Variants in GOLM2 observed in about 807,000 individuals in gnomAD.
GOLM2 encodes the protein golgi membrane protein 2.
GOLM2 carries 26 observed loss-of-function variants against 55.9 expected under a neutral mutation model. The ratio of observed to expected loss-of-function variants is 0.47; its 90% CI spans 0.34 to 0.65. The LOEUF (loss-of-function observed/expected upper bound fraction) is 0.65, where lower values mean the gene tolerates loss of function less well. Among genes scored for constraint, GOLM2 ranks in the 30% least tolerant of loss-of-function variants. The pLI is 0.01. For missense variants in GOLM2, 486 were observed against 531.8 expected, an observed-to-expected ratio of 0.91 and a Z score of 0.85; for synonymous variants, 165 against 194.6, an observed-to-expected ratio of 0.85 and a Z score of 1.27.
chr15:44,367,008 TATTAAAATTATA>T (rs1225145344), intron 6 of GOLM2, among the ~76,000 whole-genome samples: 6 of 152,184 alleles, frequency 3.9e-5, no homozygotes, highest in Admixed American at 3.9e-4. Flanking sequence ...CCAGTCTTGA[TATTAAAATTATA>T]ATTAAAAATT....
chr15:44,402,081 C>T (rs778317457), intron 8 of GOLM2, among the ~76,000 whole-genome samples: 1 of 151,920 alleles, frequency 6.6e-6, no homozygotes, highest in Non-Finnish European at 1.5e-5. Context: ...CTGCCCACCT[C>T]GGCCTCCCAA....
intron 1 of GOLM2, among the ~76,000 whole-genome samples, chr15:44,302,640 A>C (rs1187528313): frequency 6.6e-6 from 1 of 151,570 alleles, no homozygotes; most frequent in Non-Finnish European, 1.5e-5. Flanking sequence ...ACAGGTGCAC[A>C]GTACCACACC....
At chr15:44,353,105 G>C (rs763164609) in intron 6 of GOLM2, among the ~76,000 whole-genome samples, 2 of 152,052 alleles carry the variant, frequency 1.3e-5, no homozygotes, top group Non-Finnish European at 2.9e-5. Flanking sequence ...AAAAGAAGAC[G>C]TACAAATGGC....
At chr15:44,345,599 T>A (rs2079118957) in intron 6 of GOLM2, among the ~76,000 whole-genome samples, 1 of 152,116 alleles carries the variant, frequency 6.6e-6, no homozygotes, top group South Asian at 2.1e-4. Context: ...CAGTATGCAA[T>A]GCAAATATCT....
intron 1 of GOLM2, among the ~76,000 whole-genome samples, chr15:44,306,630 T>C (rs1281874298): frequency 6.6e-6 from 1 of 152,256 alleles, no homozygotes; most frequent in African/African-American, 2.4e-5. Context: ...GTCTATGTTC[T>C]TGACGTGCCC....
intron 6 of GOLM2, among the ~76,000 whole-genome samples, chr15:44,346,850 C>T (rs1236869917): frequency 1.3e-5 from 2 of 152,080 alleles, no homozygotes; most frequent in African/African-American, 2.4e-5. Flanking sequence ...TAAAGAGAGG[C>T]TAGGTGTAGT....
intron 9 of GOLM2, among the ~76,000 whole-genome samples, chr15:44,407,292 G>T (rs888514688): frequency 2.7e-5 from 4 of 147,320 alleles, no homozygotes; most frequent in African/African-American, 9.9e-5. Context: ...TGGAGACAGG[G>T]TGTCCCTCTG....
chr15:44,322,331 C>T (rs1194396261), intron 1 of GOLM2, among the ~76,000 whole-genome samples: 1 of 152,180 alleles, frequency 6.6e-6, no homozygotes, highest in Non-Finnish European at 1.5e-5. Context: ...CGCACCACTG[C>T]ACCGCAGCCT....
intron 6 of GOLM2, among the ~76,000 whole-genome samples, chr15:44,369,095 A>ATACATATTATATATATATATATATATATG (rs2079309682): frequency 3.3e-5 from 3 of 91,472 alleles, no homozygotes; most frequent in Admixed American, 2.2e-4. Flanking sequence ...ATATATATAT[A>ATACATATTATATATATATATATATATATG]TATATATATA....
intron 1 of GOLM2, among the ~76,000 whole-genome samples, chr15:44,319,896 T>C (rs564084640): frequency 2.0e-5 from 3 of 152,214 alleles, no homozygotes; most frequent in Non-Finnish European, 4.4e-5. Flanking sequence ...GCCATTTTTG[T>C]TTGTTTTACA....
At chr15:44,383,775 C>T (rs1030423365) in intron 8 of GOLM2, among the ~76,000 whole-genome samples, 1 of 148,536 alleles carries the variant, frequency 6.7e-6, no homozygotes, top group Non-Finnish European at 1.5e-5. Context: ...TTCCTGGGTT[C>T]AAATGATCCT....
chr15:44,401,553 G>A (rs901128482), intron 8 of GOLM2, among the ~76,000 whole-genome samples: 1 of 152,036 alleles, frequency 6.6e-6, no homozygotes, highest in African/African-American at 2.4e-5. Flanking sequence ...CACCCAGCCT[G>A]CAATATAAAT....
intron 1 of GOLM2, among the ~76,000 whole-genome samples, chr15:44,301,018 C>T (rs1211485847): frequency 2.0e-5 from 3 of 152,240 alleles, no homozygotes; most frequent in African/African-American, 2.4e-5. Flanking sequence ...TCAAAACTTA[C>T]ATCCACGAAG....
intron 1 of GOLM2, among the ~76,000 whole-genome samples, chr15:44,291,785 TC>T (rs1174424884): frequency 1.3e-5 from 2 of 152,228 alleles, no homozygotes; most frequent in East Asian, 1.9e-4. Context: ...AGAGCAGTAT[TC>T]CCCAAAGTAG....
chr15:44,298,063 G>A (rs1371370958), intron 1 of GOLM2, among the ~76,000 whole-genome samples: 1 of 149,996 alleles, frequency 6.7e-6, no homozygotes, highest in Non-Finnish European at 1.5e-5. Context: ...TAGAGATGGG[G>A]TTTCACCATG....
At chr15:44,399,033 T>G (rs2079547726) in intron 8 of GOLM2, among the ~76,000 whole-genome samples, 1 of 152,158 alleles carries the variant, frequency 6.6e-6, no homozygotes, top group African/African-American at 2.4e-5. Context: ...CCAGTCAAAT[T>G]AATCTCTTTA....
intron 1 of GOLM2, among the ~76,000 whole-genome samples, chr15:44,318,401 T>C (rs1017817121): frequency 3.3e-5 from 5 of 152,326 alleles, no homozygotes; most frequent in Non-Finnish European, 2.9e-5. Context: ...TGCAGCCAGA[T>C]TGACTTTTTA....
intron 1 of GOLM2, among the ~76,000 whole-genome samples, chr15:44,292,505 T>C (rs2078728387): frequency 1.3e-5 from 2 of 152,188 alleles, no homozygotes; most frequent in Admixed American, 1.3e-4. Flanking sequence ...TAGTTCTGTA[T>C]ATTTTTAAAA....
At chr15:44,363,134 C>T (rs2079254296) in intron 6 of GOLM2, among the ~76,000 whole-genome samples, 1 of 152,054 alleles carries the variant, frequency 6.6e-6, no homozygotes, top group Non-Finnish European at 1.5e-5. Context: ...TAGGCACGGG[C>T]AAGGACTTCA....
Sources: allele counts gnomAD v4.1 joint callset (sites outside exome capture counted in the v4.1 genomes callset), GRCh38; gene constraint gnomAD v4.1.1; transcripts MANE v1.5; gene names NCBI Gene and HGNC (gene_info 2026-07-23, HGNC 2026-07-21).